The following PCDHGA12 variants were observed in gnomAD, a reference collection of about 807,000 sequenced individuals.
PCDHGA12 encodes the protein protocadherin gamma subfamily A, 12.
PCDHGA12 carries 43 observed loss-of-function variants against 61.1 expected under a neutral mutation model. The ratio of observed to expected loss-of-function variants is 0.70; its 90% CI spans 0.55 to 0.91. The LOEUF (loss-of-function observed/expected upper bound fraction) is 0.91, where lower values mean the gene tolerates loss of function less well. Among genes scored for constraint, PCDHGA12 ranks in the 40% least tolerant of loss-of-function variants. The pLI, the probability that PCDHGA12 is intolerant of heterozygous loss-of-function variation, is 0.00. For missense variants in PCDHGA12, 1,236 were observed against 1,227.7 expected, an observed-to-expected ratio of 1.01 and a Z score of -0.10; for synonymous variants, 520 against 542.9, an observed-to-expected ratio of 0.96 and a Z score of 0.59.
intron 1 of PCDHGA12, 64 bp downstream of exon 1, chr5:141,433,247 G>A (rs1393219042): frequency 2.8e-6 from 4 of 1,447,840 alleles, no homozygotes; most frequent in Non-Finnish European, 3.8e-6. Context: ...AAGCTGGAAT[G>A]CAGCGGTACG....
rs933089146 is a variant in PCDHGA12, at chr5:141,490,786, A to G, written c.2425-4021A>G. ...GTATGTCAACCCAGAGGATGGACGGATCTTTGCCCAGCGTACCTTTGACTA... is the reference window on the plus strand; with the variant it reads ...GTATGTCAACCCAGAGGATGGACGGGTCTTTGCCCAGCGTACCTTTGACTA... On this transcript the variant is annotated intron_variant, in intron 1 of 3. Coordinates refer to ENST00000252085, the MANE Select transcript of PCDHGA12 (RefSeq NM_003735.3). This position sits in a 1 kb window ranked among gnomAD's most constrained non-coding sequence, Gnocchi z 5.4. The G allele has an allele frequency of 1.9e-6, 3 of 1,614,056 alleles. No individual in the cohort carries two copies. The highest frequency in any genetic ancestry group is 1.7e-5 in the Admixed American group (1 of 60,016).
intron 1 of PCDHGA12, among the ~76,000 whole-genome samples, chr5:141,449,868 T>C (rs902371897): frequency 1.3e-5 from 2 of 151,910 alleles, no homozygotes; most frequent in African/African-American, 4.8e-5. Flanking sequence ...AATCAGAAAA[T>C]TTAACATCAA....
intron 1 of PCDHGA12, among the ~76,000 whole-genome samples, chr5:141,451,107 C>G (rs768308463): frequency 1.2e-4 from 18 of 152,118 alleles, no homozygotes; most frequent in Non-Finnish European, 2.4e-4. Context: ...GGATTACAGG[C>G]GTGAGCCACC....
In PCDHGA12 at chr5:141,487,086, TCCCACCACAGAAG is replaced by T. The variant is rs2099639456; in HGVS notation, c.2425-7719_2425-7707del. 6.2e-7 allele frequency: 1 copy of T among 1,613,822 alleles called. No homozygotes were observed. ...ACGGCTGTTCCTATCCCAGCTGACC[TCCCACCACAGAAG>T]CTGGTCATTGTGGTAAAGGATAGTG... On this transcript the variant is annotated intron_variant, in intron 1 of 3. Coordinates refer to ENST00000252085, the MANE Select transcript of PCDHGA12 (RefSeq NM_003735.3). The surrounding 1 kb of genome is among the most constrained non-coding windows in gnomAD (Gnocchi z 5.0).
In PCDHGA12 at chr5:141,432,661, C is replaced by T; in HGVS notation, c.1902C>T (p.Asp634=). ...TGCGCACGGCGCGAGCCCTGCTGGACAGAGACGCGCTCAAGCAGAGCCTCG... is the reference window on the plus strand; with the variant it reads ...TGCGCACGGCGCGAGCCCTGCTGGATAGAGACGCGCTCAAGCAGAGCCTCG... ...GEVRTARALL[D]RDALKQSLVV... is the part of the protein sequence containing the mutation. The change falls in exon 1 of 4, where the codon GAC becomes GAT. Residue 634 remains aspartate (D), a synonymous_variant. Transcript: ENST00000252085. This position sits in a 1 kb window ranked among gnomAD's most constrained non-coding sequence, Gnocchi z 6.0. 3.1e-6 allele frequency: 5 copies of T among 1,613,886 alleles called. No homozygotes were observed. In the South Asian group the frequency reaches 5.5e-5, roughly 18 times the overall value.
In PCDHGA12 at chr5:141,432,487, G is replaced by A; in HGVS notation, c.1728G>A (p.Glu576=). Residue 576 remains glutamate, a synonymous_variant, in exon 1 of 4, where the codon GAG becomes GAA. Coordinates refer to ENST00000252085, the MANE Select transcript of PCDHGA12 (RefSeq NM_003735.3). This position sits in a 1 kb window ranked among gnomAD's most constrained non-coding sequence, Gnocchi z 6.0. ...ALPTDGSTGV[E]LAPRSAEPGY... ...CCACGGACGGTTCCACTGGCGTGGA[G>A]CTGGCTCCCCGCTCCGCAGAGCCCG... 1.2e-6 allele frequency: 2 copies of A among 1,614,208 alleles called. No homozygotes were observed. The highest frequency in any genetic ancestry group is 2.2e-5 in the East Asian group (1 of 44,874).
chr5:141,485,185 G>C lies in PCDHGA12; in HGVS notation c.2425-9622G>C. On this transcript the variant is annotated intron_variant, in intron 1 of 3. Transcript: ENST00000252085. This position sits in a 1 kb window ranked among gnomAD's most constrained non-coding sequence, Gnocchi z 5.7. ...AGCGGGCGGCAGCAATGCTCCGCAA[G>C]GTGAGAAGCTGGACAGAAATCTGGC... 6.2e-7 allele frequency: 1 copy of C among 1,613,528 alleles called. No homozygotes were observed. Among genetic ancestry groups the C allele is most frequent in the Non-Finnish European group, 8.5e-7 (1 of 1,179,492 alleles).
intron 1 of PCDHGA12, among the ~76,000 whole-genome samples, chr5:141,482,985 C>T (rs971017271): frequency 1.3e-5 from 2 of 151,372 alleles, no homozygotes; most frequent in East Asian, 1.9e-4. Context: ...CTTGAGAGGT[C>T]GAGGCAGGAG....
At chr5:141,440,779 GC>G (rs2154559027) in intron 1 of PCDHGA12, 1 of 152,294 alleles carries the variant, frequency 6.6e-6, no homozygotes, top group Admixed American at 6.5e-5. Flanking sequence ...AGTGCTAGCA[GC>G]CTTAGACGGC....
chr5:141,458,513 GT>G (rs537551567), intron 1 of PCDHGA12, among the ~76,000 whole-genome samples: 34 of 146,056 alleles, frequency 2.3e-4, no homozygotes, highest in South Asian at 6.5e-4. Flanking sequence ...TTGACACTTT[GT>G]TTTTTTTTTT....
At chr5:141,461,501 T>A (rs113852528) in intron 1 of PCDHGA12, among the ~76,000 whole-genome samples, 4 of 152,310 alleles carry the variant, frequency 2.6e-5, no homozygotes, top group South Asian at 2.1e-4. Context: ...TTATTTTTCT[T>A]GGTGATTTGT....
At chr5:141,460,849 G>A (rs908955373) in intron 1 of PCDHGA12, among the ~76,000 whole-genome samples, 1 of 150,224 alleles carries the variant, frequency 6.7e-6, no homozygotes, top group Non-Finnish European at 1.5e-5. Flanking sequence ...CCTCCAGTTC[G>A]ATCCAAGTTG....
At chr5:141,506,668 C>A (rs2099855518) in intron 3 of PCDHGA12, among the ~76,000 whole-genome samples, 1 of 152,100 alleles carries the variant, frequency 6.6e-6, no homozygotes, top group Admixed American at 6.6e-5. Context: ...AGTAAGGGCA[C>A]AATATATTAT....
intron 3 of PCDHGA12, among the ~76,000 whole-genome samples, chr5:141,509,633 GA>G (rs2099877629): frequency 6.6e-6 from 1 of 152,204 alleles, no homozygotes; most frequent in Non-Finnish European, 1.5e-5. Flanking sequence ...GGGTGATGCT[GA>G]GCCAGGGCCA....
intron 1 of PCDHGA12, among the ~76,000 whole-genome samples, chr5:141,484,389 G>A (rs1336850919): frequency 6.6e-6 from 1 of 152,140 alleles, no homozygotes; most frequent in Non-Finnish European, 1.5e-5. Flanking sequence ...GAATAAGAAA[G>A]GTTTGGTTTC....
At chr5:141,458,509 CTTTG>C (rs1327998402) in intron 1 of PCDHGA12, among the ~76,000 whole-genome samples, 2 of 149,986 alleles carry the variant, frequency 1.3e-5, no homozygotes. Context: ...CTGTTTGACA[CTTTG>C]TTTTTTTTTT....
chr5:141,497,730 G>T (rs13182286), intron 2 of PCDHGA12, among the ~76,000 whole-genome samples: 247 of 152,136 alleles, frequency 1.6e-3, no homozygotes, highest in Non-Finnish European at 2.8e-3. Flanking sequence ...AGTAGAGATG[G>T]GTTTCGCCAC....
At chr5:141,503,743 G>C (rs1465272424) in intron 2 of PCDHGA12, among the ~76,000 whole-genome samples, 1 of 152,126 alleles carries the variant, frequency 6.6e-6, no homozygotes, top group Non-Finnish European at 1.5e-5. Context: ...TGATGGTATA[G>C]AGGTCACACA....
intron 1 of PCDHGA12, among the ~76,000 whole-genome samples, chr5:141,445,885 G>A (rs1171777990): frequency 1.3e-5 from 2 of 152,148 alleles, no homozygotes; most frequent in African/African-American, 4.8e-5. Flanking sequence ...CTTGTACTTA[G>A]GAGCTATTAA....
Sources: gnomAD v4.1 joint callset for allele counts (sites outside exome capture counted in the v4.1 genomes callset) on GRCh38, gnomAD v4.1.1 for gene constraint, Gnocchi (gnomAD v3.1) non-coding constraint, MANE v1.5 for transcripts, NCBI Gene and HGNC (gene_info 2026-07-23, HGNC 2026-07-21) for gene names.